The following FOXK1 variants were observed in gnomAD, a reference collection of about 807,000 sequenced individuals.
FOXK1 encodes forkhead box K1, also known as forkhead box protein K1.
In FOXK1, 19 loss-of-function variants were observed where a neutral mutation model predicts 51.9. The ratio of observed to expected loss-of-function variants is 0.37; its 90% CI spans 0.26 to 0.54. FOXK1 has a LOEUF of 0.54. Among genes scored for constraint, FOXK1 ranks in the 20% least tolerant of loss-of-function variants. FOXK1 has a pLI of 0.87. For synonymous variants in FOXK1, 537 were observed against 482.6 expected, an observed-to-expected ratio of 1.11 and a Z score of -1.48; for missense variants, 870 against 1,032.7, an observed-to-expected ratio of 0.84 and a Z score of 2.16.
rs140924364 is a variant in FOXK1, at chr7:4,711,893, T to C, written c.561-28945T>C. 2.4e-3 allele frequency among the ~76,000 whole-genome samples: 370 copies of C among 152,164 alleles called. 2 individuals are homozygous for C. The highest frequency in any genetic ancestry group is 0.015 in the South Asian group (71 of 4,812). On this transcript the variant is annotated intron_variant, in intron 1 of 8. Transcript: ENST00000328914. This position sits in a 1 kb window ranked among gnomAD's most constrained non-coding sequence, Gnocchi z 6.3. ...GCTGGGCCTGGAGCTGAGGCAGAAC[T>C]TGATGGACTATGACTCAAGGTTGAG... is the stretch of plus-strand genomic sequence containing the variant.
chr7:4,747,063 G>T lies in FOXK1; in HGVS notation c.746+6040G>T, dbSNP rs550003581. On this transcript the variant is annotated intron_variant, in intron 2 of 8. Transcript: ENST00000328914. The surrounding 1 kb of genome is among the most constrained non-coding windows in gnomAD (Gnocchi z 9.2). ...GGGCAACTTTGGCGCTAAAGTGTTG[G>T]GAGTTCGGAATGAAGCTTGGTAGGG... is the stretch of plus-strand genomic sequence containing the variant. 4.6e-5 allele frequency among the ~76,000 whole-genome samples: 7 copies of T among 152,180 alleles called. No individual in the cohort carries two copies. Among genetic ancestry groups the T allele is most frequent in the Non-Finnish European group, 1.0e-4 (7 of 68,034 alleles).
chr7:4,696,448 C>T (rs549311153), intron 1 of FOXK1, among the ~76,000 whole-genome samples: 35 of 152,270 alleles, frequency 2.3e-4, no homozygotes, highest in Non-Finnish European at 4.6e-4. Flanking sequence ...ACATGTCTGT[C>T]GTCTACCCGT....
At chr7:4,694,179 C>A (rs1779925628) in intron 1 of FOXK1, among the ~76,000 whole-genome samples, 1 of 152,184 alleles carries the variant, frequency 6.6e-6, no homozygotes, top group Non-Finnish European at 1.5e-5. Context: ...GAGCCACGCG[C>A]CCAGCCAGAA....
intron 5 of FOXK1, among the ~76,000 whole-genome samples, 164 bp downstream of exon 5, chr7:4,757,351 G>A (rs116876850): frequency 0.019 from 2,818 of 152,138 alleles, 41 homozygotes; most frequent in Middle Eastern, 0.048. Flanking sequence ...AAAGAAGGCC[G>A]GCGCGGTGGC....
At position 4,734,881 on chromosome 7, in the gene FOXK1, C is replaced by T. The variant is rs1325758670; in HGVS notation, c.561-5957C>T. On this transcript the variant is annotated intron_variant, in intron 1 of 8. Coordinates refer to ENST00000328914, the MANE Select transcript of FOXK1 (RefSeq NM_001037165.2). The surrounding 1 kb of genome is among the most constrained non-coding windows in gnomAD (Gnocchi z 5.2). The stretch of plus-strand genomic sequence containing the variant: ...TGGGAGAGACGGGGCGAGGGGACAG[C>T]GGTGGACAGGAGCGATCTGTCACAT... Among the ~76,000 whole-genome samples the T allele has an allele frequency of 2.0e-5, 3 of 152,142 alleles. No homozygotes were observed. Among genetic ancestry groups the T allele is most frequent in the South Asian group, 2.1e-4 (1 of 4,830 alleles).
At position 4,756,730 on chromosome 7, in the gene FOXK1, A is replaced by C. The variant is rs145494125; in HGVS notation, c.1051-264A>C. On this transcript the variant is annotated intron_variant, in intron 4 of 8. Coordinates refer to ENST00000328914, the MANE Select transcript of FOXK1 (RefSeq NM_001037165.2). The surrounding 1 kb of genome is among the most constrained non-coding windows in gnomAD (Gnocchi z 4.1). The stretch of plus-strand genomic sequence containing the variant: ...CAGTGAGCCGAGATCGTGCCACTGC[A>C]CTCCATCCTGGGCGACAGAATGAGA... 6.6e-6 allele frequency among the ~76,000 whole-genome samples: 1 copy of C among 150,992 alleles called. No individual in the cohort carries two copies. Among genetic ancestry groups the C allele is most frequent in the Non-Finnish European group, 1.5e-5 (1 of 67,782 alleles).
chr7:4,722,148 G>C lies in FOXK1; in HGVS notation c.561-18690G>C, dbSNP rs1437906917. On this transcript the variant is annotated intron_variant, in intron 1 of 8. Coordinates refer to ENST00000328914, the MANE Select transcript of FOXK1 (RefSeq NM_001037165.2). This position sits in a 1 kb window ranked among gnomAD's most constrained non-coding sequence, Gnocchi z 5.1. Reference sequence around the variant, plus strand: ...TGGGCTCTTGGTCACATCCTGCCCTGATTCAGAAGATGGCGGGGCAGGAGG... The same window carrying C: ...TGGGCTCTTGGTCACATCCTGCCCTCATTCAGAAGATGGCGGGGCAGGAGG... 6.6e-6 allele frequency among the ~76,000 whole-genome samples: 1 copy of C among 152,166 alleles called. No homozygotes were observed. Among genetic ancestry groups the C allele is most frequent in the Non-Finnish European group, 1.5e-5 (1 of 68,030 alleles).
chr7:4,720,922 GA>G lies in FOXK1; in HGVS notation c.561-19906del, dbSNP rs537322235. 2.4e-3 allele frequency among the ~76,000 whole-genome samples: 358 copies of G among 147,578 alleles called. 1 individual carries two copies. The highest frequency in any genetic ancestry group is 8.3e-3 in the African/African-American group (335 of 40,336). Reference sequence around the variant, plus strand: ...TTAGTATAGACGGGGATCCATAAAAGAAAAAAAAAACTCAACACACGTGTTA... The same window carrying G: ...TTAGTATAGACGGGGATCCATAAAAGAAAAAAAAACTCAACACACGTGTTA... On this transcript the variant is annotated intron_variant, in intron 1 of 8. Transcript: ENST00000328914.
chr7:4,694,128 C>T (rs1453746807), intron 1 of FOXK1, among the ~76,000 whole-genome samples: 2 of 152,214 alleles, frequency 1.3e-5, no homozygotes, highest in Admixed American at 6.5e-5. Flanking sequence ...CTCACATGAT[C>T]CTCCCACCTG....
At chr7:4,690,528 C>T (rs1040644806) in intron 1 of FOXK1, among the ~76,000 whole-genome samples, 4 of 152,202 alleles carry the variant, frequency 2.6e-5, no homozygotes, top group African/African-American at 4.8e-5. Flanking sequence ...ATTTGGTGTA[C>T]GCTGAATTTT....
rs894639617 is a variant in FOXK1 at position 4,743,583 on chromosome 7, T to G, written c.746+2560T>G. On this transcript the variant is annotated intron_variant, in intron 2 of 8. Transcript: ENST00000328914. The surrounding 1 kb of genome is among the most constrained non-coding windows in gnomAD (Gnocchi z 5.3). ...TAAATAAATGGTGAATTTTATGTTA[T>G]GGGAATTGCATCTGAAGAAAGCAGT... 1.3e-5 allele frequency among the ~76,000 whole-genome samples: 2 copies of G among 152,188 alleles called. No homozygotes were observed. Among genetic ancestry groups the G allele is most frequent in the Non-Finnish European group, 2.9e-5 (2 of 68,032 alleles).
At chr7:4,689,816 C>T (rs555453197) in intron 1 of FOXK1, among the ~76,000 whole-genome samples, 3 of 152,332 alleles carry the variant, frequency 2.0e-5, no homozygotes, top group African/African-American at 7.2e-5. Flanking sequence ...CGGCATTCCT[C>T]TTCTCCTGGG....
At chr7:4,744,457 C>T (rs1780675593) in intron 2 of FOXK1, among the ~76,000 whole-genome samples, 6 of 152,208 alleles carry the variant, frequency 3.9e-5, no homozygotes, top group South Asian at 2.1e-4. Flanking sequence ...TCTTCCTGTT[C>T]CCGGGTACCC....
At chr7:4,693,971 C>A (rs1779922960) in intron 1 of FOXK1, among the ~76,000 whole-genome samples, 2 of 152,092 alleles carry the variant, frequency 1.3e-5, no homozygotes, top group South Asian at 4.1e-4. Context: ...GCCTCTAATT[C>A]CTGGGCTCAA....
intron 2 of FOXK1, among the ~76,000 whole-genome samples, chr7:4,742,281 T>C (rs574308199): frequency 6.6e-6 from 1 of 152,364 alleles, no homozygotes; most frequent in African/African-American, 2.4e-5. Context: ...TGCTGATCTG[T>C]TGGAGCGAGC....
Position 4,755,151 on chromosome 7 carries a change from G to T in FOXK1, c.904-86G>T. 2 of 1,538,232 alleles carry T rather than the reference G, an allele frequency of 1.3e-6. No homozygotes were observed. On this transcript the variant is annotated intron_variant, in intron 3 of 8. Transcript: ENST00000328914. The surrounding 1 kb of genome is among the most constrained non-coding windows in gnomAD (Gnocchi z 6.6). The stretch of plus-strand genomic sequence containing the variant: ...AAGACGCGCACATTCTCGTGGGAAG[G>T]TTCCTCCCCATCAGCTGTGACGGGT...
chr7:4,701,257 G>A (rs1780018602), intron 1 of FOXK1, among the ~76,000 whole-genome samples: 1 of 152,138 alleles, frequency 6.6e-6, no homozygotes, highest in South Asian at 2.1e-4. Context: ...AAAGGACGGG[G>A]GGCTAGAAGA....
rs1165862935 is a variant in FOXK1, at chr7:4,769,100, CAG to C, written c.*6640_*6641del. ...GGCTGGTTTTGGCTGCCCGGAGTATCAGAGAATATCACTAAGAGGGCAGTCAG... is the reference window on the plus strand; with the variant it reads ...GGCTGGTTTTGGCTGCCCGGAGTATCAGAATATCACTAAGAGGGCAGTCAG... On this transcript the variant is annotated 3_prime_UTR_variant, in exon 9 of 9. Coordinates refer to ENST00000328914, the MANE Select transcript of FOXK1 (RefSeq NM_001037165.2). This position sits in a 1 kb window ranked among gnomAD's most constrained non-coding sequence, Gnocchi z 4.1. 2 of 152,172 alleles carry C rather than the reference CAG, an allele frequency of 1.3e-5. No individual in the cohort carries two copies. Among genetic ancestry groups the C allele is most frequent in the African/African-American group, 4.8e-5 (2 of 41,424 alleles). The allele number at this position is 152,172 out of a possible 1,614,324, so 9.4% of individuals were successfully genotyped here.
Position 4,723,629 on chromosome 7 carries a change from C to A in FOXK1, c.561-17209C>A, listed in dbSNP as rs1185443211. Reference sequence around the variant, plus strand: ...CAGGACCGAGCGTGGAGAGTTGCAGCAGTGCAGGAAGCTTTTCCTTTCTCT... The same window carrying A: ...CAGGACCGAGCGTGGAGAGTTGCAGAAGTGCAGGAAGCTTTTCCTTTCTCT... On this transcript the variant is annotated intron_variant, in intron 1 of 8. Transcript: ENST00000328914. The surrounding 1 kb of genome is among the most constrained non-coding windows in gnomAD (Gnocchi z 4.7). Among the ~76,000 whole-genome samples the A allele has an allele frequency of 6.6e-6, 1 of 152,148 alleles. No homozygotes were observed. Among genetic ancestry groups the A allele is most frequent in the Non-Finnish European group, 1.5e-5 (1 of 68,016 alleles).
Sources: allele counts gnomAD v4.1 joint callset (sites outside exome capture counted in the v4.1 genomes callset), GRCh38; gene constraint gnomAD v4.1.1; non-coding constraint Gnocchi (gnomAD v3.1); transcripts MANE v1.5; gene names NCBI Gene and HGNC (gene_info 2026-07-23, HGNC 2026-07-21).